Variants in PKP4 observed in about 807,000 individuals in gnomAD.
PKP4 encodes the protein plakophilin-4.
In PKP4, 90 loss-of-function variants were observed where a neutral mutation model predicts 145.1. The observed-to-expected ratio is 0.62, with a 90% CI of 0.52 to 0.74. PKP4 has a LOEUF of 0.74. Ranked by LOEUF, PKP4 falls within the 30% of genes least tolerant of loss-of-function variation. The pLI, the probability that PKP4 is intolerant of heterozygous loss-of-function variation, is 0.00. For synonymous variants in PKP4, 563 were observed against 577.2 expected, an observed-to-expected ratio of 0.98 and a Z score of 0.35; for missense variants, 1,340 against 1,482.7, an observed-to-expected ratio of 0.90 and a Z score of 1.58.
At chr2:158,620,408 A>G (rs536370221) in intron 4 of PKP4, among the ~76,000 whole-genome samples, 65 of 152,326 alleles carry the variant, frequency 4.3e-4, no homozygotes, top group Admixed American at 7.8e-4. Context: ...AACAATGGTT[A>G]GGTTAGACTT....
intron 3 of PKP4, among the ~76,000 whole-genome samples, chr2:158,597,703 A>C (rs1303319803): frequency 1.3e-5 from 2 of 152,236 alleles, no homozygotes; most frequent in Non-Finnish European, 2.9e-5. Flanking sequence ...ATTAATACTG[A>C]GTAAAATTTA....
At chr2:158,508,382 A>G (rs1424917783) in intron 1 of PKP4, among the ~76,000 whole-genome samples, 1 of 116,708 alleles carries the variant, frequency 8.6e-6, no homozygotes, top group Non-Finnish European at 1.7e-5. Flanking sequence ...AAAAAAAAAA[A>G]AAAAAAGAAG....
At chr2:158,468,697 C>G (rs572694243) in intron 1 of PKP4, among the ~76,000 whole-genome samples, 51 of 151,438 alleles carry the variant, frequency 3.4e-4, no homozygotes, top group Admixed American at 2.4e-3. Flanking sequence ...GTAAGCATAC[C>G]TGATACTTTA....
chr2:158,539,923 G>A (rs1255525346), intron 2 of PKP4, among the ~76,000 whole-genome samples: 1 of 151,992 alleles, frequency 6.6e-6, no homozygotes, highest in Non-Finnish European at 1.5e-5. Flanking sequence ...AACGATGCAG[G>A]GTGTCCTCCA....
At position 158,660,263 on chromosome 2, in the gene PKP4, G is replaced by A. The variant is rs78975837; in HGVS notation, c.2094-1070G>A. The A allele has an allele frequency of 3.4e-3, 520 of 152,768 alleles. 28 individuals are homozygous for A. The East Asian group carries it at 0.088, about 26-fold the overall frequency. 9.5% of individuals were successfully genotyped at this position (152,768 alleles called of 1,614,324 possible). A position where few individuals can be genotyped will look rare whatever the true frequency, so the allele number is the denominator to read the frequency against. ...AAGAAAGCATTGGAGAAAAGAATCC[G>A]CAATTCTAGAGAGCAGTCAGGGCTA... On this transcript the variant is annotated intron_variant, in intron 12 of 21. Coordinates refer to ENST00000389759, the MANE Select transcript of PKP4 (RefSeq NM_003628.6).
At chr2:158,658,410 C>CT (rs1278273978) in intron 12 of PKP4, 96 bp downstream of exon 12, 10 of 738,424 alleles carry the variant, frequency 1.4e-5, no homozygotes, top group Non-Finnish European at 2.0e-5. Flanking sequence ...TAACATCTAT[C>CT]TAAGTTTCCA....
rs142536944 is a variant in PKP4, at chr2:158,467,165, C to G, written c.-6+9947C>G. On this transcript the variant is annotated intron_variant, in intron 1 of 21. Coordinates refer to ENST00000389759, the MANE Select transcript of PKP4 (RefSeq NM_003628.6). ...TACATTTTGGTTGTCCCTTTCCCAA[C>G]CTCACATAATCACTGTAATAAAATT... 1.1e-3 allele frequency among the ~76,000 whole-genome samples: 166 copies of G among 152,216 alleles called. 1 individual carries two copies. The highest frequency in any genetic ancestry group is 3.9e-3 in the African/African-American group (160 of 41,546).
Position 158,625,804 on chromosome 2 carries a change from T to C in PKP4, c.1153+377T>C, listed in dbSNP as rs551560052. 3.3e-5 allele frequency among the ~76,000 whole-genome samples: 5 copies of C among 152,330 alleles called. No homozygotes were observed. In the East Asian group the frequency reaches 5.8e-4, roughly 18 times the overall value. Reference sequence around the variant, plus strand: ...TACCCCTAAACATACCCTAAAGTTATGTTAAAAGGTGGTATCAGAATATCT... The same window carrying C: ...TACCCCTAAACATACCCTAAAGTTACGTTAAAAGGTGGTATCAGAATATCT... On this transcript the variant is annotated intron_variant, in intron 7 of 21. Coordinates refer to ENST00000389759, the MANE Select transcript of PKP4 (RefSeq NM_003628.6).
intron 2 of PKP4, among the ~76,000 whole-genome samples, chr2:158,533,759 G>C (rs1218815698): frequency 1.3e-5 from 2 of 152,168 alleles, no homozygotes; most frequent in African/African-American, 2.4e-5. Context: ...TTGTGTGTTT[G>C]TCTAAATTTA....
chr2:158,464,080 A>G (rs1235592308), intron 1 of PKP4, among the ~76,000 whole-genome samples: 1 of 152,242 alleles, frequency 6.6e-6, no homozygotes, highest in Non-Finnish European at 1.5e-5. Flanking sequence ...TACATTTTTC[A>G]GAAGTTGGAT....
In PKP4 at chr2:158,625,003, T is replaced by G; in HGVS notation, c.729T>G (p.Ser243Arg). Residue 243 changes from serine to arginine, a missense_variant, in exon 7 of 22, where the codon AGT becomes AGG. Transcript: ENST00000389759. Reference sequence around the variant, plus strand: ...GGTCTCTGAGAACTTCTCTGGGTAGTGGATTTGGCTCTCCGTCAGTGACCG... The same window carrying G: ...GGTCTCTGAGAACTTCTCTGGGTAGGGGATTTGGCTCTCCGTCAGTGACCG... The part of the protein sequence containing the change: ...SRGSLRTSLG[S>R]GFGSPSVTDP... 6.2e-7 allele frequency: 1 copy of G among 1,614,196 alleles called. No homozygotes were observed.
At chr2:158,564,856 T>G (rs575625016) in intron 2 of PKP4, among the ~76,000 whole-genome samples, 1 of 152,366 alleles carries the variant, frequency 6.6e-6, no homozygotes, top group Non-Finnish European at 1.5e-5. Context: ...TTGTCATTAG[T>G]TAAGTTCCCA....
intron 1 of PKP4, among the ~76,000 whole-genome samples, chr2:158,484,987 C>A (rs2105446769): frequency 6.6e-6 from 1 of 152,344 alleles, no homozygotes; most frequent in African/African-American, 2.4e-5. Context: ...ATACCTCACT[C>A]AGTTCTCCCC....
intron 4 of PKP4, among the ~76,000 whole-genome samples, chr2:158,617,213 G>C (rs2051718251): frequency 6.6e-6 from 1 of 152,128 alleles, no homozygotes; most frequent in South Asian, 2.1e-4. Context: ...ATTCTACCTT[G>C]AAGCTTGTTC....
chr2:158,525,951 G>C (rs1458911301), intron 1 of PKP4, among the ~76,000 whole-genome samples: 1 of 151,066 alleles, frequency 6.6e-6, no homozygotes, highest in Non-Finnish European at 1.5e-5. Flanking sequence ...TTGAATCTCT[G>C]AATAGACCAA....
chr2:158,471,233 A>G (rs1330539896), intron 1 of PKP4, among the ~76,000 whole-genome samples: 1 of 152,200 alleles, frequency 6.6e-6, no homozygotes, highest in Non-Finnish European at 1.5e-5. Flanking sequence ...AATAGAATTA[A>G]AAGAAATCAG....
intron 2 of PKP4, among the ~76,000 whole-genome samples, chr2:158,556,730 T>C (rs944589465): frequency 6.6e-6 from 1 of 152,146 alleles, no homozygotes; most frequent in Non-Finnish European, 1.5e-5. Flanking sequence ...CCTGGAACTT[T>C]GGCAGCTGTG....
At chr2:158,575,294 T>C (rs1345453437) in intron 2 of PKP4, among the ~76,000 whole-genome samples, 3 of 152,192 alleles carry the variant, frequency 2.0e-5, no homozygotes, top group African/African-American at 7.2e-5. Context: ...AGAGTCTCAG[T>C]GTCAGCACCT....
intron 1 of PKP4, among the ~76,000 whole-genome samples, chr2:158,463,413 A>G (rs750321844): frequency 2.5e-3 from 223 of 87,676 alleles, no homozygotes; most frequent in Non-Finnish European, 4.7e-3. Context: ...ATCACAGTTG[A>G]AAAAAAAAAA....
Sources: gnomAD v4.1 joint callset for allele counts (sites outside exome capture counted in the v4.1 genomes callset) on GRCh38, gnomAD v4.1.1 for gene constraint, MANE v1.5 for transcripts, NCBI Gene and HGNC (gene_info 2026-07-23, HGNC 2026-07-21) for gene names.